Variants in WWOX observed in about 807,000 individuals in gnomAD.
The protein encoded by WWOX is WW domain containing oxidoreductase.
A neutral mutation model predicts 46.2 loss-of-function variants in WWOX; 69 were observed. The observed-to-expected ratio is 1.49, with a 90% confidence interval of 1.23 to 1.82. The LOEUF is 1.82. Among genes scored for constraint, WWOX ranks in the 40% most tolerant of loss-of-function variants. The probability of loss-of-function intolerance (pLI) is 0.00; values close to 1 mark genes in which losing one functional copy is unlikely to be tolerated. For synonymous variants in WWOX, 359 were observed against 202.6 expected, an observed-to-expected ratio of 1.77 and a Z score of -6.56; for missense variants, 919 against 542.6, an observed-to-expected ratio of 1.69 and a Z score of -6.89.
intron 5 of WWOX, among the ~76,000 whole-genome samples, chr16:78,325,392 C>T (rs1030362322): frequency 1.3e-5 from 2 of 152,042 alleles, no homozygotes; most frequent in African/African-American, 4.8e-5. Context: ...TGTTCTATTG[C>T]AGTATTTAAT....
chr16:78,395,041 C>G (rs56779465), intron 6 of WWOX, among the ~76,000 whole-genome samples: 2,053 of 152,320 alleles, frequency 0.013, 45 homozygotes, highest in African/African-American at 0.046. Context: ...AGACACATCT[C>G]ACTTTATGGA....
chr16:79,147,575 T>G (rs2050204402), intron 8 of WWOX, among the ~76,000 whole-genome samples: 1 of 152,252 alleles, frequency 6.6e-6, no homozygotes, highest in Admixed American at 6.5e-5. Flanking sequence ...AGTGTTTGTG[T>G]AAATAGAAGT....
At chr16:78,255,932 A>G (rs1291801051) in intron 5 of WWOX, among the ~76,000 whole-genome samples, 1 of 152,036 alleles carries the variant, frequency 6.6e-6, no homozygotes, top group African/African-American at 2.4e-5. Context: ...TAGGTGGATC[A>G]CAAGGTAAGG....
chr16:78,746,087 A>C (rs1450227474), intron 8 of WWOX, among the ~76,000 whole-genome samples: 1 of 152,194 alleles, frequency 6.6e-6, no homozygotes, highest in Non-Finnish European at 1.5e-5. Flanking sequence ...AGCCAGAGCT[A>C]AGATGGTGCA....
chr16:78,529,498 G>T (rs1331338233), intron 8 of WWOX, among the ~76,000 whole-genome samples: 6 of 151,902 alleles, frequency 3.9e-5, no homozygotes, highest in Non-Finnish European at 5.9e-5. Context: ...ATGGAGTCTT[G>T]CACTGTGTCC....
intron 5 of WWOX, among the ~76,000 whole-genome samples, chr16:78,227,464 G>A (rs563620787): frequency 7.9e-5 from 12 of 152,244 alleles, no homozygotes; most frequent in African/African-American, 2.6e-4. Flanking sequence ...AATCAATGCT[G>A]CTCTTTTCTT....
intron 5 of WWOX, among the ~76,000 whole-genome samples, chr16:78,319,337 T>C (rs1021400820): frequency 3.9e-5 from 6 of 152,164 alleles, no homozygotes; most frequent in Admixed American, 3.9e-4. Flanking sequence ...CAAGCTGGAG[T>C]GCAGTGGCGC....
At chr16:78,772,100 T>G (rs907580698) in intron 8 of WWOX, among the ~76,000 whole-genome samples, 1 of 152,186 alleles carries the variant, frequency 6.6e-6, no homozygotes, top group Non-Finnish European at 1.5e-5. Flanking sequence ...ATAGGTAACT[T>G]CATGTCACAA....
intron 8 of WWOX, among the ~76,000 whole-genome samples, chr16:78,733,516 G>C (rs1240168314): frequency 6.6e-6 from 1 of 151,700 alleles, no homozygotes; most frequent in South Asian, 2.1e-4. Flanking sequence ...GGGAGGACGA[G>C]GTGGGCGGAT....
chr16:78,653,542 G>C (rs187007462), intron 8 of WWOX, among the ~76,000 whole-genome samples: 24 of 152,336 alleles, frequency 1.6e-4, no homozygotes, highest in African/African-American at 5.8e-4. Context: ...TCCTAAAAGA[G>C]ATACACAGGA....
At chr16:78,762,582 G>C (rs1318253183) in intron 8 of WWOX, among the ~76,000 whole-genome samples, 1 of 152,216 alleles carries the variant, frequency 6.6e-6, no homozygotes, top group Non-Finnish European at 1.5e-5. Flanking sequence ...AGGTGACACA[G>C]TACTAACAGT....
At chr16:78,209,649 T>C (rs2036497703) in intron 5 of WWOX, among the ~76,000 whole-genome samples, 1 of 151,908 alleles carries the variant, frequency 6.6e-6, no homozygotes, top group African/African-American at 2.4e-5. Flanking sequence ...GTGGAGTCAA[T>C]TGGGAGTACC....
chr16:78,624,279 A>G (rs1295180374), intron 8 of WWOX, among the ~76,000 whole-genome samples: 3 of 151,452 alleles, frequency 2.0e-5, no homozygotes, highest in Admixed American at 2.0e-4. Context: ...TATGTGGTAA[A>G]GGACATGTAT....
chr16:78,668,207 G>A (rs1369553305), intron 8 of WWOX, among the ~76,000 whole-genome samples: 1 of 151,814 alleles, frequency 6.6e-6, no homozygotes, highest in Non-Finnish European at 1.5e-5. Context: ...TGGAACCTGG[G>A]AAGCGGAGGT....
chr16:78,990,897 G>T (rs2046874741), intron 8 of WWOX, among the ~76,000 whole-genome samples: 1 of 152,228 alleles, frequency 6.6e-6, no homozygotes, highest in Non-Finnish European at 1.5e-5. Flanking sequence ...CACAGCATGA[G>T]TGATTTTTCC....
At chr16:78,847,909 T>G (rs562254494) in intron 8 of WWOX, among the ~76,000 whole-genome samples, 1 of 152,336 alleles carries the variant, frequency 6.6e-6, no homozygotes, top group East Asian at 1.9e-4. Context: ...ACTTTCTGTT[T>G]CGTTGCTTAC....
rs1171128626 is a variant in WWOX, at chr16:79,155,871, A to G, written c.1057-55737A>G. 1.8e-4 allele frequency among the ~76,000 whole-genome samples: 28 copies of G among 151,442 alleles called. 1 individual carries two copies. Among genetic ancestry groups the G allele is most frequent in the Admixed American group, 1.8e-3 (28 of 15,226 alleles). On this transcript the variant is annotated intron_variant, in intron 8 of 8. Transcript: ENST00000566780. The stretch of plus-strand genomic sequence containing the variant: ...GGACTAATACATATAAGAAGGAGAA[A>G]GGGAGGGAGGAGGAATTCCAGTTGT...
chr16:78,741,628 G>A (rs2049230634), intron 8 of WWOX, among the ~76,000 whole-genome samples: 1 of 152,134 alleles, frequency 6.6e-6, no homozygotes, highest in Non-Finnish European at 1.5e-5. Context: ...GCTGAGGTGG[G>A]TGGATCACTT....
chr16:79,108,155 T>C (rs982139789), intron 8 of WWOX, among the ~76,000 whole-genome samples: 1 of 152,230 alleles, frequency 6.6e-6, no homozygotes, highest in Non-Finnish European at 1.5e-5. Context: ...AGGCACTCTG[T>C]TGGTGGCAAG....
Sources: gnomAD v4.1 joint callset for allele counts (sites outside exome capture counted in the v4.1 genomes callset) on GRCh38, gnomAD v4.1.1 for gene constraint, MANE v1.5 for transcripts, NCBI Gene and HGNC (gene_info 2026-07-23, HGNC 2026-07-21) for gene names.